Variants in WHRN observed in about 807,000 individuals in gnomAD.
WHRN encodes the protein CASK-interacting protein CIP98.
WHRN carries 41 observed loss-of-function variants against 68.3 expected under a neutral mutation model. The ratio of observed to expected loss-of-function variants is 0.60; its 90% CI spans 0.47 to 0.78. The LOEUF (loss-of-function observed/expected upper bound fraction) is 0.78, where lower values mean the gene tolerates loss of function less well. Ranked by LOEUF, WHRN falls within the 30% of genes least tolerant of loss-of-function variation. The pLI is 0.00. For missense variants in WHRN, 1,243 were observed against 1,244.7 expected (o/e 1.00, Z 0.02); for synonymous variants, 560 against 561.3 (o/e 1.00, Z 0.03).
At chr9:114,452,012 TG>T (rs1217456484) in intron 3 of WHRN, among the ~76,000 whole-genome samples, 3 of 152,224 alleles carry the variant, frequency 2.0e-5, no homozygotes, top group African/African-American at 7.2e-5. Context: ...ACTCCCAAAA[TG>T]CTGGCAATTG....
intron 3 of WHRN, among the ~76,000 whole-genome samples, chr9:114,441,359 A>C (rs1221933783): frequency 6.6e-6 from 1 of 152,186 alleles, no homozygotes; most frequent in Non-Finnish European, 1.5e-5. Flanking sequence ...GTATGTACAA[A>C]TGCAGGCATG....
chr9:114,484,818 G>A (rs1443335291), intron 1 of WHRN, among the ~76,000 whole-genome samples: 7 of 152,166 alleles, frequency 4.6e-5, no homozygotes, highest in Non-Finnish European at 1.0e-4. Context: ...GCTCTCAGGA[G>A]GCAAATTTGC....
intron 7 of WHRN, among the ~76,000 whole-genome samples, chr9:114,416,524 C>T (rs1015923093): frequency 1.3e-5 from 2 of 152,114 alleles, no homozygotes; most frequent in Admixed American, 6.5e-5. Flanking sequence ...TAAAAGTGTA[C>T]AGGACTTCCC....
intron 1 of WHRN, among the ~76,000 whole-genome samples, chr9:114,499,066 T>C (rs189414340): frequency 5.3e-5 from 8 of 152,338 alleles, no homozygotes; most frequent in Middle Eastern, 3.4e-3. Flanking sequence ...GTCCACTATA[T>C]GGGAAATCTC....
chr9:114,504,409 G>C lies in WHRN; in HGVS notation c.393C>G (p.Asp131Glu). ...PYRQPAWGGP[D>E]SAGPGEVRLV... ...GGCGCACCTCCCCTGGCCCCGCGCTGTCGGGGCCGCCCCAGGCGGGCTGCC... is the reference window on the plus strand; with the variant it reads ...GGCGCACCTCCCCTGGCCCCGCGCTCTCGGGGCCGCCCCAGGCGGGCTGCC... The change falls in exon 1 of 12, where the codon GAC (aspartate) becomes GAG (glutamate). Residue 131 changes from aspartate to glutamate, a missense_variant. Physicochemically the swap from Asp to Glu is conservative, Grantham distance 45. Transcript: ENST00000362057. 1 of 1,605,498 alleles carries C rather than the reference G, an allele frequency of 6.2e-7. No homozygotes were observed. Among genetic ancestry groups the C allele is most frequent in the Non-Finnish European group, 8.5e-7 (1 of 1,179,162 alleles).
At chr9:114,425,874 CCCT>C in intron 4 of WHRN, 1 of 394,292 alleles carries the variant, frequency 2.5e-6, no homozygotes, top group South Asian at 2.3e-5. Flanking sequence ...CTTTCCCTCT[CCCT>C]CCCTCTCTTT....
At chr9:114,420,267 G>C (rs768862274) in intron 7 of WHRN, among the ~76,000 whole-genome samples, 2 of 152,178 alleles carry the variant, frequency 1.3e-5, no homozygotes, top group Non-Finnish European at 2.9e-5. Context: ...GGGAGGGAAA[G>C]ACCCCACTGC....
At chr9:114,492,099 A>G (rs992415909) in intron 1 of WHRN, among the ~76,000 whole-genome samples, 12 of 152,196 alleles carry the variant, frequency 7.9e-5, no homozygotes, top group Non-Finnish European at 1.5e-4. Context: ...GATTGATAAA[A>G]ATGGAAAAGA....
At chr9:114,487,852 G>C (rs1174369912) in intron 1 of WHRN, among the ~76,000 whole-genome samples, 2 of 152,166 alleles carry the variant, frequency 1.3e-5, no homozygotes, top group African/African-American at 2.4e-5. Context: ...TGGAGGCCTC[G>C]CAATGTCCTT....
intron 3 of WHRN, among the ~76,000 whole-genome samples, chr9:114,446,048 C>A (rs1838795517): frequency 6.6e-6 from 1 of 152,104 alleles, no homozygotes; most frequent in African/African-American, 2.4e-5. Flanking sequence ...TGATAGAAAT[C>A]ATGTCAAAGA....
Position 114,478,814 on chromosome 9 carries a change from G to T in WHRN, c.619-43C>A, listed in dbSNP as rs201792515. ...CAAAGGTTAGAGGAAGGGAGGTGCC[G>T]GGGGTGTGGAGGAACACCCTCCCCT... On this transcript the variant is annotated intron_variant, in intron 1 of 11. Transcript: ENST00000362057. 64 of 1,571,256 alleles carry T rather than the reference G, an allele frequency of 4.1e-5. No homozygotes were observed. The East Asian group carries it at 1.4e-3, about 35-fold the overall frequency.
chr9:114,404,086 G>C lies in WHRN; in HGVS notation c.2237-9C>G. Reference sequence around the variant, plus strand: ...GGAGAGCGTAGAGGCTGCTGGAGAGGGGAAAAGGAAGAGAGAAGCAGCTTA... The same window carrying C: ...GGAGAGCGTAGAGGCTGCTGGAGAGCGGAAAAGGAAGAGAGAAGCAGCTTA... On this transcript the variant is annotated splice_polypyrimidine_tract_variant and intron_variant, in intron 9 of 11. Coordinates refer to ENST00000362057, the MANE Select transcript of WHRN (RefSeq NM_015404.4). 6.2e-7 allele frequency: 1 copy of C among 1,612,088 alleles called. No individual in the cohort carries two copies. The highest frequency in any genetic ancestry group is 1.1e-5 in the South Asian group (1 of 91,050).
chr9:114,495,192 C>T (rs76103171), intron 1 of WHRN, among the ~76,000 whole-genome samples: 1 of 152,234 alleles, frequency 6.6e-6, no homozygotes, highest in South Asian at 2.1e-4. Context: ...AGGAGCTTGG[C>T]GTCTGCCCTG....
chr9:114,440,377 C>T (rs1838265517), intron 3 of WHRN, among the ~76,000 whole-genome samples: 1 of 152,042 alleles, frequency 6.6e-6, no homozygotes, highest in African/African-American at 2.4e-5. Flanking sequence ...GCTGGGACTA[C>T]AGGTGTGCAC....
At chr9:114,434,539 G>T (rs1244041194) in intron 3 of WHRN, among the ~76,000 whole-genome samples, 1 of 82,940 alleles carries the variant, frequency 1.2e-5, no homozygotes, top group Non-Finnish European at 2.6e-5. Flanking sequence ...CTCCAAGCCT[G>T]GTCCTTCTCC....
At chr9:114,425,205 TG>T in intron 4 of WHRN, 181 bp from the exon 5 acceptor site, 1 of 728,928 alleles carries the variant, frequency 1.4e-6, no homozygotes, top group African/African-American at 1.7e-5. Flanking sequence ...CCGGACAGAC[TG>T]GCAGCGTCCA....
chr9:114,442,456 A>G (rs2132604065), intron 3 of WHRN, among the ~76,000 whole-genome samples: 1 of 152,370 alleles, frequency 6.6e-6, no homozygotes, highest in South Asian at 2.1e-4. Flanking sequence ...AGAGAAAAAT[A>G]GATAAAGCAA....
chr9:114,503,188 G>C, intron 1 of WHRN: 2 of 985,580 alleles, frequency 2.0e-6, no homozygotes, highest in Non-Finnish European at 2.4e-6. Context: ...CAGCCAGCAG[G>C]CCCTCAGCTG....
rs75768297 is a variant in WHRN at position 114,419,128 on chromosome 9, C to T, written c.1626+4186G>A. On this transcript the variant is annotated intron_variant, in intron 7 of 11. Transcript: ENST00000362057. ...AATCACAGCCAGATGGCAGGGGTAA[C>T]AACAGAGCTCAGAGTCAAGCAAGCC... Among the ~76,000 whole-genome samples, 1,073 of 152,294 alleles carry T rather than the reference C, an allele frequency of 7.0e-3. 12 individuals are homozygous for T. The highest frequency in any genetic ancestry group is 0.036 in the East Asian group (189 of 5,182).
Sources: gnomAD v4.1 joint callset for allele counts (sites outside exome capture counted in the v4.1 genomes callset) on GRCh38, gnomAD v4.1.1 for gene constraint, MANE v1.5 for transcripts, NCBI Gene and HGNC (gene_info 2026-07-23, HGNC 2026-07-21) for gene names.